GPHN: variants seen among roughly 807,000 people sequenced by gnomAD.
The protein encoded by GPHN is gephyrin.
GPHN carries 17 observed loss-of-function variants against 95.5 expected under a neutral mutation model. The ratio of observed to expected loss-of-function variants is 0.18; its 90% CI spans 0.12 to 0.27. The LOEUF (loss-of-function observed/expected upper bound fraction) is 0.27, where lower values mean the gene tolerates loss of function less well. Ranked by LOEUF, GPHN falls within the 10% of genes least tolerant of loss-of-function variation. The pLI is 1.00. For missense variants in GPHN, 660 were observed against 978.1 expected (o/e 0.67, Z 4.34); for synonymous variants, 320 against 322.5 (o/e 0.99, Z 0.08).
chr14:67,501,595 G>A, the GPHN span, among the ~76,000 whole-genome samples: 1 of 152,140 alleles, frequency 6.6e-6, no homozygotes, highest in Admixed American at 6.6e-5. Context: ...TTATATTGGA[G>A]CCAGGGCTGA....
the GPHN span, among the ~76,000 whole-genome samples, chr14:67,216,953 C>CA: frequency 2.0e-5 from 3 of 152,010 alleles, no homozygotes. Context: ...GTTTAAATTC[C>CA]ATGTTTCTTT....
chr14:67,412,157 C>A, the GPHN span: 1 of 1,096,472 alleles, frequency 9.1e-7, no homozygotes, highest in East Asian at 3.2e-5. Context: ...CCCACGGCGC[C>A]CAGGAAGCAG....
Position 67,179,496 on chromosome 14 carries a change from C to A in GPHN, c.2080-82C>A, listed in dbSNP as rs572530635. 4.2e-5 allele frequency: 34 copies of A among 807,008 alleles called. 1 individual carries two copies. The highest frequency in any genetic ancestry group is 4.2e-4 in the South Asian group (30 of 72,082). The allele number at this position is 807,008 out of a possible 1,614,324, so 50.0% of individuals were successfully genotyped here. A position where few individuals can be genotyped will look rare whatever the true frequency, so the allele number is the denominator to read the frequency against. On this transcript the variant is annotated intron_variant, in intron 21 of 22. Transcript: ENST00000478722. ...GGTTAGTCTCCATGTCCACTGTATT[C>A]TTTGCACAACCCCTACTATCTTGTA...
chr14:67,166,021 T>G (rs571071361), intron 20 of GPHN, among the ~76,000 whole-genome samples: 2 of 152,328 alleles, frequency 1.3e-5, no homozygotes, highest in Non-Finnish European at 2.9e-5. Context: ...ACAGATTCCT[T>G]TAGAAAATAA....
chr14:67,563,441 TG>T, the GPHN span, among the ~76,000 whole-genome samples: 2 of 141,544 alleles, frequency 1.4e-5, no homozygotes, highest in East Asian at 4.2e-4. Context: ...TTTTGGGGGG[TG>T]GGGGTGAGGG....
At chr14:67,596,295 A>ATTTTTTTTTTT in the GPHN span, among the ~76,000 whole-genome samples, 4 of 60,222 alleles carry the variant, frequency 6.6e-5, no homozygotes, top group Non-Finnish European at 8.3e-5. Context: ...CGCCCAGCTA[A>ATTTTTTTTTTT]TTTTTTTTTT....
At position 66,553,384 on chromosome 14, in the gene GPHN, C is replaced by T. The variant is rs76665433; in HGVS notation, c.64+44793C>T. On this transcript the variant is annotated intron_variant, in intron 1 of 22. Coordinates refer to ENST00000478722, the MANE Select transcript of GPHN (RefSeq NM_020806.5). ...TCTGCCCCAGTCTCACTCTTTTCTC[C>T]TCTAGGATCACAGTTACATATATTT... 3.6e-3 allele frequency among the ~76,000 whole-genome samples: 551 copies of T among 152,182 alleles called. 11 individuals carry two copies. Among genetic ancestry groups the T allele is most frequent in the African/African-American group, 0.013 (525 of 41,518 alleles).
At chr14:67,578,690 A>G in the GPHN span, 1 of 1,054,462 alleles carries the variant, frequency 9.5e-7, no homozygotes, top group Non-Finnish European at 1.4e-6. This position sits in a 1 kb window ranked among gnomAD's most constrained non-coding sequence, Gnocchi z 5.0. Context: ...CGCATGAATA[A>G]GAGGGATGAG....
chr14:67,724,941 T>C, the GPHN span, among the ~76,000 whole-genome samples: 1 of 152,320 alleles, frequency 6.6e-6, no homozygotes, highest in Admixed American at 6.5e-5. Flanking sequence ...GACTGAACAG[T>C]ACTACTGTGA....
intron 11 of GPHN, among the ~76,000 whole-genome samples, chr14:67,068,720 C>T (rs532865260): frequency 1.5e-3 from 228 of 152,250 alleles, no homozygotes; most frequent in African/African-American, 5.2e-3. Context: ...CTCTGCTTTT[C>T]CACTTTAGCA....
At chr14:67,542,151 A>C in the GPHN span, among the ~76,000 whole-genome samples, 7 of 152,116 alleles carry the variant, frequency 4.6e-5, no homozygotes, top group Admixed American at 1.3e-4. Context: ...CCAAAGTCCG[A>C]GCAGTTTACT....
At chr14:67,269,330 C>G in the GPHN span, among the ~76,000 whole-genome samples, 1 of 151,208 alleles carries the variant, frequency 6.6e-6, no homozygotes, top group Non-Finnish European at 1.5e-5. Flanking sequence ...TATTTTTGTA[C>G]AAGTTTTTGT....
chr14:67,210,810 C>T, the GPHN span, among the ~76,000 whole-genome samples: 7 of 151,896 alleles, frequency 4.6e-5, no homozygotes, highest in South Asian at 1.0e-3. Flanking sequence ...TCCAGGAGTT[C>T]GAGACCAGCC....
chr14:67,182,126 A>T (rs2083334845), downstream of GPHN, among the ~76,000 whole-genome samples: 1 of 152,236 alleles, frequency 6.6e-6, no homozygotes, highest in Admixed American at 6.5e-5. Flanking sequence ...TAGACGCCAT[A>T]AAATCCAATT....
At chr14:66,817,110 A>T (rs192584629) in intron 3 of GPHN, among the ~76,000 whole-genome samples, 2 of 152,224 alleles carry the variant, frequency 1.3e-5, no homozygotes, top group African/African-American at 4.8e-5. Flanking sequence ...ACACCATAAT[A>T]TACTGATCTA....
the GPHN span, chr14:67,619,923 C>A: frequency 7.9e-7 from 1 of 1,270,954 alleles, no homozygotes; most frequent in African/African-American, 1.6e-5. Context: ...GGCGCTCACT[C>A]CCGGCTTCCA....
the GPHN span, among the ~76,000 whole-genome samples, chr14:67,714,386 C>T: frequency 6.6e-6 from 1 of 152,172 alleles, no homozygotes; most frequent in African/African-American, 2.4e-5. Context: ...ATCCTCCTGC[C>T]TTGGCCTCCC....
chr14:66,776,447 T>A lies in GPHN; in HGVS notation c.144-17T>A, dbSNP rs1216292098. On this transcript the variant is annotated splice_polypyrimidine_tract_variant and intron_variant, in intron 2 of 22. Transcript: ENST00000478722. Reference sequence around the variant, plus strand: ...ACTATTGCTGGTTTTGAGAATATTTTCTTCTCCTAATTTCAGGTTGGGTGG... The same window carrying A: ...ACTATTGCTGGTTTTGAGAATATTTACTTCTCCTAATTTCAGGTTGGGTGG... 6.9e-7 allele frequency: 1 copy of A among 1,454,044 alleles called. No homozygotes were observed. The allele number at this position is 1,454,044 out of a possible 1,614,324, so 90.1% of individuals were successfully genotyped here.
chr14:67,254,951 C>G, the GPHN span, among the ~76,000 whole-genome samples: 3 of 152,166 alleles, frequency 2.0e-5, no homozygotes, highest in African/African-American at 7.2e-5. Flanking sequence ...GAGATTGAGA[C>G]CATCCTAGCC....
Sources: allele counts gnomAD v4.1 joint callset (sites outside exome capture counted in the v4.1 genomes callset), GRCh38; gene constraint gnomAD v4.1.1; non-coding constraint Gnocchi (gnomAD v3.1); transcripts MANE v1.5; gene names NCBI Gene and HGNC (gene_info 2026-07-23, HGNC 2026-07-21).